ABCB8: variants seen among roughly 807,000 people sequenced by gnomAD.
ABCB8 encodes mitochondrial potassium channel ATP-binding subunit.
In ABCB8, 52 loss-of-function variants were observed where a neutral mutation model predicts 73.0. The observed-to-expected ratio is 0.71, with a 90% confidence interval of 0.57 to 0.90. ABCB8 has a LOEUF of 0.90. Ranked by LOEUF, ABCB8 falls within the 40% of genes least tolerant of loss-of-function variation. ABCB8 has a pLI of 0.00. For synonymous variants in ABCB8, 428 were observed against 423.5 expected (o/e 1.01, Z -0.13); for missense variants, 909 against 974.6 (o/e 0.93, Z 0.90).
At chr7:151,038,839 A>G (rs1202899188) in intron 9 of ABCB8, 1 of 151,498 alleles carries the variant, frequency 6.6e-6, no homozygotes, top group Non-Finnish European at 1.5e-5. Context: ...ATTCTTCCCC[A>G]CTCATCTTGG....
Position 151,035,629 on chromosome 7 carries a change from A to G in ABCB8, c.814A>G (p.Met272Val), listed in dbSNP as rs1796282802. The G allele has an allele frequency of 6.2e-7, 1 of 1,608,710 alleles. No homozygotes were observed. Among genetic ancestry groups the G allele is most frequent in the African/African-American group, 1.3e-5 (1 of 74,946 alleles). Residue 272 changes from methionine to valine, a missense_variant, in exon 6 of 16, where the codon ATG becomes GTG. Physicochemically the swap from Met to Val is conservative, Grantham distance 21. Transcript: ENST00000358849. ...QVAGCLVSLS[M>V]LSTRLTLLLM... is the part of the protein sequence containing the mutation. The stretch of plus-strand genomic sequence containing the variant: ...GGCAGGCTGCCTGGTGTCCCTGTCC[A>G]TGCTGTCGACACGCCTCACGCTGCT...
Position 151,045,591 on chromosome 7 carries a change from C to G in ABCB8, c.*242C>G. 1 of 454,222 alleles carries G rather than the reference C, an allele frequency of 2.2e-6. No homozygotes were observed. Among genetic ancestry groups the G allele is most frequent in the Non-Finnish European group, 3.8e-6 (1 of 263,688 alleles). The allele number at this position is 454,222 out of a possible 1,614,324, so 28.1% of individuals were successfully genotyped here. Reference sequence around the variant, plus strand: ...AGAGTCTGCCAGAGTCATTGGGCTGCAATGGGCAGAGACAGAGTTCCACGA... The same window carrying G: ...AGAGTCTGCCAGAGTCATTGGGCTGGAATGGGCAGAGACAGAGTTCCACGA... On this transcript the variant is annotated 3_prime_UTR_variant, in exon 16 of 16. Coordinates refer to ENST00000358849, the MANE Select transcript of ABCB8 (RefSeq NM_007188.5).
At chr7:151,039,084 C>G (rs1027388447) in intron 9 of ABCB8, 6 of 152,284 alleles carry the variant, frequency 3.9e-5, no homozygotes, top group African/African-American at 1.4e-4. Context: ...CAGGGCCAGG[C>G]TCCACCTGGG....
In ABCB8 at chr7:151,035,984, C is replaced by T. The variant is rs371589693; in HGVS notation, c.1013+17C>T. 15 of 1,613,440 alleles carry T rather than the reference C, an allele frequency of 9.3e-6. No individual in the cohort carries two copies. In the African/African-American group the frequency reaches 9.3e-5, roughly 10 times the overall value. On this transcript the variant is annotated intron_variant, in intron 7 of 15. Transcript: ENST00000358849. ...GGAAGAGGAGTGAGTCCTGGGAGGG[C>T]GGAGCACAAAGCAGAGATGCCCCCC...
chr7:151,036,256 C>CA (rs746332866), intron 8 of ABCB8, 86 bp downstream of exon 8: 14 of 1,321,394 alleles, frequency 1.1e-5, no homozygotes, highest in Non-Finnish European at 1.5e-5. Context: ...GCCCTCCCTT[C>CA]ATCTGCTGGC....
At position 151,045,969 on chromosome 7, in the gene ABCB8, C is replaced by G. The variant is rs1796601600; in HGVS notation, c.*620C>G. ...TGCACAGTGAACACAGTCCTGATTT[C>G]TAGATTTCACCTCCCCTCCCCACCC... On this transcript the variant is annotated 3_prime_UTR_variant, in exon 16 of 16. Coordinates refer to ENST00000358849, the MANE Select transcript of ABCB8 (RefSeq NM_007188.5). The G allele has an allele frequency of 6.6e-6, 1 of 152,362 alleles. No homozygotes were observed. The highest frequency in any genetic ancestry group is 2.1e-4 in the South Asian group (1 of 4,834). The allele number at this position is 152,362 out of a possible 1,614,324, so 9.4% of individuals were successfully genotyped here.
chr7:151,047,701 A>G lies in ABCB8; in HGVS notation c.*2352A>G, dbSNP rs771822245. Reference sequence around the variant, plus strand: ...CACATCTGTGTGATGATACGGCAACATTGTTTGTAATGGAAAGACTGGACA... The same window carrying G: ...CACATCTGTGTGATGATACGGCAACGTTGTTTGTAATGGAAAGACTGGACA... On this transcript the variant is annotated 3_prime_UTR_variant, in exon 16 of 16. Coordinates refer to ENST00000358849, the MANE Select transcript of ABCB8 (RefSeq NM_007188.5). 2 of 152,226 alleles carry G rather than the reference A, an allele frequency of 1.3e-5. No homozygotes were observed. The highest frequency in any genetic ancestry group is 2.4e-5 in the African/African-American group (1 of 41,462). The allele number at this position is 152,226 out of a possible 1,614,324, so 9.4% of individuals were successfully genotyped here. A position where few individuals can be genotyped will look rare whatever the true frequency, so the allele number is the denominator to read the frequency against.
At chr7:151,042,990 C>T (rs1157392971) in intron 14 of ABCB8, among the ~76,000 whole-genome samples, 1 of 152,224 alleles carries the variant, frequency 6.6e-6, no homozygotes, top group East Asian at 1.9e-4. Flanking sequence ...CTTCTTGGGG[C>T]TGCGTCCTTA....
rs1699845987 is a variant in ABCB8 at position 151,036,171 on chromosome 7, G to A, written c.1111+1G>A. 1 of 1,602,884 alleles carries A rather than the reference G, an allele frequency of 6.2e-7. No homozygotes were observed. Among genetic ancestry groups the A allele is most frequent in the Non-Finnish European group, 8.5e-7 (1 of 1,172,008 alleles). Reference sequence around the variant, plus strand: ...GGGCTTTCCAACATCGCCTTCAACTGTGAGTGAGCCATTTGGGGGCTGGAG... The same window carrying A: ...GGGCTTTCCAACATCGCCTTCAACTATGAGTGAGCCATTTGGGGGCTGGAG... On this transcript the variant is annotated splice_donor_variant, in intron 8 of 15. Transcript: ENST00000358849. LOFTEE classifies it high-confidence loss of function.
chr7:151,035,777 C>T (rs1209209687), intron 6 of ABCB8, 35 bp downstream of exon 6: 4 of 1,610,690 alleles, frequency 2.5e-6, no homozygotes, highest in East Asian at 2.2e-5. Flanking sequence ...TTCACCCTCC[C>T]CACACCGTTT....
Position 151,034,508 on chromosome 7 carries a change from C to G in ABCB8, c.568C>G (p.Leu190Val), listed in dbSNP as rs1032628147. 6.2e-7 allele frequency: 1 copy of G among 1,613,492 alleles called. No homozygotes were observed. The highest frequency in any genetic ancestry group is 1.3e-5 in the African/African-American group (1 of 75,032). ...HLLILYGVQG[L>V]LTFGYLVLLS... ...AGTGCACTGGGCTCTTTCGCAGGGA[C>G]TGCTGACCTTCGGGTACCTGGTGCT... The change falls in exon 4 of 16, where the codon CTG becomes GTG. Residue 190 changes from leucine (L) to valine (V), a missense_variant. Coordinates refer to ENST00000358849, the MANE Select transcript of ABCB8 (RefSeq NM_007188.5).
At chr7:151,037,460 C>T (rs1796341124) in intron 9 of ABCB8, 2 of 644,260 alleles carry the variant, frequency 3.1e-6, no homozygotes, top group African/African-American at 3.6e-5. Flanking sequence ...TCTGGGATGA[C>T]CAGAGCTGAT....
At chr7:151,030,896 C>T (rs1015491584) in intron 1 of ABCB8, among the ~76,000 whole-genome samples, 2 of 152,198 alleles carry the variant, frequency 1.3e-5, no homozygotes, top group African/African-American at 4.8e-5. Context: ...GCCAGCATAG[C>T]ACCACTGCTC....
chr7:151,033,505 A>G (rs1204041362), intron 1 of ABCB8, 100 bp from the exon 2 acceptor site: 2 of 1,488,654 alleles, frequency 1.3e-6, no homozygotes. Flanking sequence ...CAGAAGAGGA[A>G]GTGCTCCTTC....
chr7:151,035,548 C>T, intron 5 of ABCB8, 33 bp from the exon 6 acceptor site: 2 of 1,560,982 alleles, frequency 1.3e-6, no homozygotes, highest in African/African-American at 1.4e-5. Flanking sequence ...GGTGCGGACG[C>T]CGTAGCCTCC....
At chr7:151,032,634 C>T (rs1014463583) in intron 1 of ABCB8, among the ~76,000 whole-genome samples, 2 of 151,122 alleles carry the variant, frequency 1.3e-5, no homozygotes, top group Non-Finnish European at 2.9e-5. Flanking sequence ...GCAGAGGTTG[C>T]AGTGAGCCGA....
At chr7:151,041,280 CT>C in intron 13 of ABCB8, 48 bp downstream of exon 13, 1 of 1,556,526 alleles carries the variant, frequency 6.4e-7, no homozygotes, top group South Asian at 1.2e-5. Flanking sequence ...CCGTCCTCCC[CT>C]GGGCCCTGCC....
chr7:151,034,269 C>A lies in ABCB8; in HGVS notation c.409-4C>A. ...CATTTGTGCCCTCTGTCTCCCCATTCCAGCTGGCCTTGGGTGCGGCACTCG... is the reference window on the plus strand; with the variant it reads ...CATTTGTGCCCTCTGTCTCCCCATTACAGCTGGCCTTGGGTGCGGCACTCG... On this transcript the variant is annotated splice_polypyrimidine_tract_variant and splice_region_variant and intron_variant, in intron 2 of 15. Transcript: ENST00000358849. 6.2e-7 allele frequency: 1 copy of A among 1,609,474 alleles called. No homozygotes were observed. Among genetic ancestry groups the A allele is most frequent in the Non-Finnish European group, 8.5e-7 (1 of 1,177,890 alleles).
rs1360476686 is a variant in ABCB8 at position 151,034,828 on chromosome 7, A to G, written c.764A>G (p.Gln255Arg). The change falls in exon 5 of 16, where the codon CAG becomes CGG. Residue 255 changes from glutamine to arginine, a missense_variant and splice_region_variant. By Grantham distance (43) the Gln-to-Arg change is conservative. Coordinates refer to ENST00000358849, the MANE Select transcript of ABCB8 (RefSeq NM_007188.5). ...FKSSFKLVIS[Q>R]GLRSCTQVAG... ...TCATCCTTCAAGCTTGTCATCTCCC[A>G]GGTCAGTGGCCCAGTGGCCCCCACC... The G allele has an allele frequency of 1.9e-6, 3 of 1,612,610 alleles. No homozygotes were observed. The highest frequency in any genetic ancestry group is 2.2e-5 in the East Asian group (1 of 44,888).
Sources: gnomAD v4.1 joint callset for allele counts (sites outside exome capture counted in the v4.1 genomes callset) on GRCh38, gnomAD v4.1.1 for gene constraint, MANE v1.5 for transcripts, NCBI Gene and HGNC (gene_info 2026-07-23, HGNC 2026-07-21) for gene names.